HECW2: variants seen among roughly 807,000 people sequenced by gnomAD.
HECW2 encodes HECT, C2 and WW domain containing E3 ubiquitin protein ligase 2.
HECW2 carries 61 observed loss-of-function variants against 175.2 expected under a neutral mutation model. That is an observed-to-expected ratio of 0.35 (90% confidence interval 0.28 to 0.43). The LOEUF is 0.43. HECW2 is among the 20% of genes least tolerant of loss of function. The pLI, the probability that HECW2 is intolerant of heterozygous loss-of-function variation, is 1.00. For missense variants in HECW2, 1,524 were observed against 2,000.5 expected (o/e 0.76, Z 4.54); for synonymous variants, 671 against 731.0 (o/e 0.92, Z 1.32).
chr2:196,270,826 C>G (rs139470019), intron 17 of HECW2, among the ~76,000 whole-genome samples: 10 of 152,000 alleles, frequency 6.6e-5, no homozygotes, highest in Admixed American at 6.6e-5. Flanking sequence ...CTTAGCCTCC[C>G]GAGTAGCTAC....
intron 1 of HECW2, 54 bp from the exon 2 acceptor site, chr2:196,433,512 T>C (rs533405544): frequency 2.8e-4 from 375 of 1,320,038 alleles, no homozygotes; most frequent in Non-Finnish European, 3.7e-4. Context: ...AAGAATCAGA[T>C]TTAAGCTTTC....
At chr2:196,210,303 TG>T (rs1687231682) in intron 28 of HECW2, among the ~76,000 whole-genome samples, 5 of 152,264 alleles carry the variant, frequency 3.3e-5, no homozygotes, top group Admixed American at 2.6e-4. Flanking sequence ...TGTGCCTGTG[TG>T]TACCTGAAGA....
At chr2:196,545,813 G>C (rs888978358) in intron 1 of HECW2, among the ~76,000 whole-genome samples, 2 of 152,182 alleles carry the variant, frequency 1.3e-5, no homozygotes, top group African/African-American at 4.8e-5. Context: ...CAAGTACTGA[G>C]AGTAATTGAA....
chr2:196,493,507 T>C (rs1348252180), intron 1 of HECW2: 1 of 152,190 alleles, frequency 6.6e-6, no homozygotes, highest in Non-Finnish European at 1.5e-5. Context: ...ATATTATCCA[T>C]CTCTTTTTTT....
intron 1 of HECW2, among the ~76,000 whole-genome samples, chr2:196,554,251 G>A (rs1478562158): frequency 4.6e-5 from 7 of 152,022 alleles, no homozygotes; most frequent in Non-Finnish European, 1.5e-5. Context: ...GCGTGAACCC[G>A]GAAGGCGGAG....
At chr2:196,570,415 T>C (rs1054126517) in intron 1 of HECW2, among the ~76,000 whole-genome samples, 1 of 152,204 alleles carries the variant, frequency 6.6e-6, no homozygotes, top group Non-Finnish European at 1.5e-5. Flanking sequence ...AGTATTTTAT[T>C]GAAATGTTTA....
intron 15 of HECW2, among the ~76,000 whole-genome samples, chr2:196,278,133 A>AAAAAAAAAATATATATATATATATAT (rs531920307): frequency 3.0e-5 from 2 of 66,568 alleles, no homozygotes; most frequent in Non-Finnish European, 3.3e-5. Flanking sequence ...ATAATTAAAA[A>AAAAAAAAAATATATATATATATATAT]ATATATATAT....
intron 18 of HECW2, among the ~76,000 whole-genome samples, chr2:196,256,128 A>T (rs528895112): frequency 6.6e-6 from 1 of 152,312 alleles, no homozygotes; most frequent in South Asian, 2.1e-4. Flanking sequence ...TTTTTCAATA[A>T]TCACTAATTA....
At position 196,558,177 on chromosome 2, in the gene HECW2, C is replaced by T. The variant is rs1040158893; in HGVS notation, c.-36+35331G>A. The stretch of plus-strand genomic sequence containing the variant: ...AGTTATTTTTCTAACATTTTCTAAA[C>T]AGCAACCACTTAAAAGTTAAAAAAT... On this transcript the variant is annotated intron_variant, in intron 1 of 28. Transcript: ENST00000644978. Among the ~76,000 whole-genome samples the T allele has an allele frequency of 4.6e-5, 7 of 152,160 alleles. No individual in the cohort carries two copies. The South Asian group carries it at 8.3e-4, about 18-fold the overall frequency.
At chr2:196,223,273 T>C (rs1326351074) in intron 23 of HECW2, among the ~76,000 whole-genome samples, 2 of 152,220 alleles carry the variant, frequency 1.3e-5, no homozygotes, top group Non-Finnish European at 2.9e-5. Flanking sequence ...AAAATCTATG[T>C]CACACTTCAA....
At chr2:196,474,575 C>T (rs2125358922) in intron 1 of HECW2, among the ~76,000 whole-genome samples, 1 of 152,330 alleles carries the variant, frequency 6.6e-6, no homozygotes, top group African/African-American at 2.4e-5. Flanking sequence ...CTAAAGGTCA[C>T]AGGCCTTTAG....
intron 1 of HECW2, among the ~76,000 whole-genome samples, chr2:196,536,327 A>G (rs959907776): frequency 1.3e-5 from 2 of 152,134 alleles, no homozygotes; most frequent in Non-Finnish European, 2.9e-5. Flanking sequence ...GCCACTCTGA[A>G]CTGTAGCAGC....
intron 2 of HECW2, among the ~76,000 whole-genome samples, chr2:196,354,372 G>A (rs1424482358): frequency 1.3e-5 from 2 of 152,154 alleles, no homozygotes; most frequent in Non-Finnish European, 1.5e-5. Context: ...TGGAATGGCC[G>A]GCCAGACCCC....
Position 196,318,686 on chromosome 2 carries a change from TC to T in HECW2, c.2203del (p.Glu735ArgfsTer95). On this transcript the variant is annotated frameshift_variant, in exon 9 of 29. Transcript: ENST00000644978. LOFTEE classifies it high-confidence loss of function. ...ATVPDQEELG[E>X]VWQRRGSLEG... ...CAGGCTCCCCCTCCGCTGCCAGACC[TC>T]CCCCAGCTCCTCCTGGTCAGGTACA... The T allele has an allele frequency of 1.3e-6, 2 of 1,590,836 alleles. No individual in the cohort carries two copies. Among genetic ancestry groups the T allele is most frequent in the South Asian group, 1.1e-5 (1 of 87,430 alleles).
chr2:196,318,400 A>G (rs1691783545), intron 9 of HECW2, 152 bp downstream of exon 9: 1 of 900,806 alleles, frequency 1.1e-6, no homozygotes, highest in African/African-American at 1.7e-5. Flanking sequence ...CCTGTTTTCA[A>G]TCTTGCCTCT....
At chr2:196,217,638 T>C (rs1434729820) in intron 26 of HECW2, 1 of 152,234 alleles carries the variant, frequency 6.6e-6, no homozygotes, top group East Asian at 1.9e-4. Context: ...TAGTTTCACA[T>C]TGACTTACTA....
chr2:196,524,214 T>C (rs1407159376), intron 1 of HECW2, among the ~76,000 whole-genome samples: 3 of 139,706 alleles, frequency 2.1e-5, no homozygotes, highest in African/African-American at 9.0e-5. Flanking sequence ...GGAGAGTGTA[T>C]GTGTCAAGGA....
chr2:196,381,285 GA>G (rs1400854968), intron 2 of HECW2, among the ~76,000 whole-genome samples: 1 of 152,094 alleles, frequency 6.6e-6, no homozygotes, highest in African/African-American at 2.4e-5. Context: ...CCTCCTACTA[GA>G]AAAATGATTA....
At chr2:196,504,746 T>C (rs1159521668) in intron 1 of HECW2, among the ~76,000 whole-genome samples, 1 of 152,234 alleles carries the variant, frequency 6.6e-6, no homozygotes, top group Admixed American at 6.5e-5. Flanking sequence ...GAACCAACCT[T>C]ACATATTATA....
Sources: allele counts gnomAD v4.1 joint callset (sites outside exome capture counted in the v4.1 genomes callset), GRCh38; gene constraint gnomAD v4.1.1; transcripts MANE v1.5; gene names NCBI Gene and HGNC (gene_info 2026-07-23, HGNC 2026-07-21).